Variants in SLC45A1 observed in about 807,000 individuals in gnomAD.
SLC45A1 encodes proton-associated sugar transporter A.
SLC45A1 carries 28 observed loss-of-function variants against 57.6 expected under a neutral mutation model. The ratio of observed to expected loss-of-function variants is 0.49; its 90% confidence interval spans 0.36 to 0.67. The LOEUF (loss-of-function observed/expected upper bound fraction) is 0.67. SLC45A1 is among the 30% of genes least tolerant of loss of function. The pLI, the probability that SLC45A1 is intolerant of heterozygous loss-of-function variation, is 0.00. For missense variants in SLC45A1, 814 were observed against 1,041.5 expected, an observed-to-expected ratio of 0.78 and a Z score of 3.01; for synonymous variants, 459 against 471.5, an observed-to-expected ratio of 0.97 and a Z score of 0.34.
At position 8,330,872 on chromosome 1, in the gene SLC45A1, C is replaced by T. The variant is rs143396132; in HGVS notation, c.1379C>T (p.Pro460Leu). The change falls in exon 5 of 9, where the codon CCG becomes CTG. Residue 460 changes from proline (P) to leucine (L), a missense_variant. Pro to Leu is a moderately conservative substitution (Grantham distance 98). Coordinates refer to ENST00000471889, the MANE Select transcript of SLC45A1 (RefSeq NM_001080397.3). This position sits in a 1 kb window ranked among gnomAD's most constrained non-coding sequence, Gnocchi z 8.4. ...AAGAGACCTCAGACCTTGGCCATCC[C>T]GGACGCAGCCGGAGGAGGGGGTCCC... is the stretch of plus-strand genomic sequence containing the variant. ...ILKRPQTLAI[P>L]DAAGGGGPET... 2.6e-5 allele frequency: 41 copies of T among 1,606,996 alleles called. No individual in the cohort carries two copies. In the South Asian group the frequency reaches 2.6e-4, roughly 10 times the overall value.
Position 8,327,915 on chromosome 1 carries a change from C to T in SLC45A1, c.715+1873C>T, listed in dbSNP as rs1640251533. On this transcript the variant is annotated intron_variant, in intron 4 of 8. Transcript: ENST00000471889. The surrounding 1 kb of genome is among the most constrained non-coding windows in gnomAD (Gnocchi z 4.3). Reference sequence around the variant, plus strand: ...GGCATGTGGTGCGCACCTGTAGTCCCAGCTACTCGGGAGGCTGAGGCAGGA... The same window carrying T: ...GGCATGTGGTGCGCACCTGTAGTCCTAGCTACTCGGGAGGCTGAGGCAGGA... Among the ~76,000 whole-genome samples, 1 of 152,132 alleles carries T rather than the reference C, an allele frequency of 6.6e-6. No individual in the cohort carries two copies. The highest frequency in any genetic ancestry group is 2.1e-4 in the South Asian group (1 of 4,826).
chr1:8,329,561 C>T (rs1419768986), intron 4 of SLC45A1, among the ~76,000 whole-genome samples: 3 of 152,240 alleles, frequency 2.0e-5, no homozygotes, highest in African/African-American at 4.8e-5. Context: ...CCCACAGCAT[C>T]GCTCACAGTT....
Position 8,344,040 on chromosome 1 carries a change from G to A in SLC45A1, c.*27G>A, listed in dbSNP as rs374726148. ...ATCGCGGAGCCTCGACTCCGGACAC[G>A]CGCCTGCACCTGGGGGTCTGGAGCA... On this transcript the variant is annotated 3_prime_UTR_variant, in exon 9 of 9. Transcript: ENST00000471889. The A allele has an allele frequency of 4.9e-4, 775 of 1,582,152 alleles. No homozygotes were observed. Among genetic ancestry groups the A allele is most frequent in the Non-Finnish European group, 6.1e-4 (705 of 1,162,190 alleles).
rs748095650 is a variant in SLC45A1, at chr1:8,330,520, C to T, written c.1027C>T (p.Pro343Ser). The T allele has an allele frequency of 6.2e-7, 1 of 1,613,218 alleles. No homozygotes were observed. The highest frequency in any genetic ancestry group is 1.7e-5 in the Admixed American group (1 of 60,014). Reference protein sequence around the residue: ...NFSSPISPPSPLTPKYGSFIS... With the variant: ...NFSSPISPPSSLTPKYGSFIS... The stretch of plus-strand genomic sequence containing the variant: ...CTCCAGCCCCATCTCGCCGCCCAGC[C>T]CCCTCACGCCCAAGTACGGCAGCTT... Residue 343 changes from proline (P) to serine (S), a missense_variant, in exon 5 of 9, where the codon CCC (proline) becomes TCC (serine). By Grantham distance (74) the Pro-to-Ser change is moderately conservative (BLOSUM62 -1). Coordinates refer to ENST00000471889, the MANE Select transcript of SLC45A1 (RefSeq NM_001080397.3). This position sits in a 1 kb window ranked among gnomAD's most constrained non-coding sequence, Gnocchi z 8.4.
At chr1:8,334,774 AGGGCTACTT>A (rs1030679906) in intron 5 of SLC45A1, among the ~76,000 whole-genome samples, 6 of 152,214 alleles carry the variant, frequency 3.9e-5, no homozygotes, top group Admixed American at 3.9e-4. Flanking sequence ...AAACCCAAGC[AGGGCTACTT>A]GGAATGAAAC....
chr1:8,326,325 A>C lies in SLC45A1; in HGVS notation c.715+283A>C, dbSNP rs1204883054. Among the ~76,000 whole-genome samples, 1 of 152,222 alleles carries C rather than the reference A, an allele frequency of 6.6e-6. No individual in the cohort carries two copies. Among genetic ancestry groups the C allele is most frequent in the East Asian group, 1.9e-4 (1 of 5,206 alleles). On this transcript the variant is annotated intron_variant, in intron 4 of 8. Transcript: ENST00000471889. The surrounding 1 kb of genome is among the most constrained non-coding windows in gnomAD (Gnocchi z 5.5). ...TAGTTATGTTCTGCAGAGTCACCAC[A>C]AACACTGAATTAGCAAACACCGCAT...
At position 8,318,786 on chromosome 1, in the gene SLC45A1, G is replaced by A. The variant is rs1010477675; in HGVS notation, c.-25+600G>A. ...CTTACAGGGAAGCAGAGTCAGGGGC[G>A]GAGGAAAGCCACGTTCAGGCTGCAC... On this transcript the variant is annotated intron_variant, in intron 1 of 8. Coordinates refer to ENST00000471889, the MANE Select transcript of SLC45A1 (RefSeq NM_001080397.3). Among the ~76,000 whole-genome samples the A allele has an allele frequency of 4.6e-5, 7 of 152,328 alleles. No individual in the cohort carries two copies. The East Asian group carries it at 1.4e-3, about 29-fold the overall frequency.
At chr1:8,331,205 G>A (rs72635801) in intron 5 of SLC45A1, among the ~76,000 whole-genome samples, 4,938 of 151,874 alleles carry the variant, frequency 0.033, 116 homozygotes, top group Middle Eastern at 0.061. Flanking sequence ...GCGAAACCCC[G>A]TCTCTACTTT....
intron 8 of SLC45A1, among the ~76,000 whole-genome samples, chr1:8,340,319 T>A (rs1034116753): frequency 8.6e-5 from 13 of 152,010 alleles, no homozygotes; most frequent in Admixed American, 5.9e-4. Context: ...CGCACCACCA[T>A]GCCCAGCTAA....
chr1:8,335,715 A>C lies in SLC45A1; in HGVS notation c.1597+125A>C. On this transcript the variant is annotated intron_variant, in intron 6 of 8. Coordinates refer to ENST00000471889, the MANE Select transcript of SLC45A1 (RefSeq NM_001080397.3). The surrounding 1 kb of genome is among the most constrained non-coding windows in gnomAD (Gnocchi z 4.1). ...TTTCTGAGTTCACCAGCCCCCAACA[A>C]CAGCACCAAGGGCAGGCCTGGGGTG... The C allele has an allele frequency of 3.2e-5, 35 of 1,079,032 alleles. No homozygotes were observed. Among genetic ancestry groups the C allele is most frequent in the African/African-American group, 4.9e-5 (3 of 61,846 alleles). 66.8% of individuals were successfully genotyped at this position (1,079,032 alleles called of 1,614,324 possible).
chr1:8,324,405 TCCCAGGTCACG>T lies in SLC45A1; in HGVS notation c.77_87del (p.Ser26TrpfsTer42). On this transcript the variant is annotated frameshift_variant, in exon 2 of 9. Transcript: ENST00000471889. LOFTEE classifies it high-confidence loss of function. ...CGTGGCCCCACAGGACTTCTGGAGG[TCCCAGGTCACG>T]GGCTACTCGGGGTCCGTGACACGAC... is the stretch of plus-strand genomic sequence containing the variant. 1 of 1,612,174 alleles carries T rather than the reference TCCCAGGTCACG, an allele frequency of 6.2e-7. No individual in the cohort carries two copies. The highest frequency in any genetic ancestry group is 8.5e-7 in the Non-Finnish European group (1 of 1,179,868).
chr1:8,321,649 G>A (rs1640011418), intron 1 of SLC45A1, among the ~76,000 whole-genome samples: 1 of 152,326 alleles, frequency 6.6e-6, no homozygotes, highest in South Asian at 2.1e-4. Flanking sequence ...GGGTAGGTGA[G>A]TGGGTGGATG....
intron 8 of SLC45A1, among the ~76,000 whole-genome samples, chr1:8,340,504 G>A (rs774372812): frequency 6.6e-6 from 1 of 152,122 alleles, no homozygotes; most frequent in Non-Finnish European, 1.5e-5. Context: ...CATGTACTAG[G>A]GGTTCTGATA....
rs765441060 is a variant in SLC45A1 at position 8,335,642 on chromosome 1, C to G, written c.1597+52C>G. 4 of 1,520,108 alleles carry G rather than the reference C, an allele frequency of 2.6e-6. No homozygotes were observed. The East Asian group carries it at 9.5e-5, about 36-fold the overall frequency. 94.2% of individuals were successfully genotyped at this position (1,520,108 alleles called of 1,614,324 possible). A position where few individuals can be genotyped will look rare whatever the true frequency, so the allele number is the denominator to read the frequency against. On this transcript the variant is annotated intron_variant, in intron 6 of 8. Transcript: ENST00000471889. This position sits in a 1 kb window ranked among gnomAD's most constrained non-coding sequence, Gnocchi z 4.1. ...GAGTCCTGGTCCTGCTCAGGGCTCT[C>G]GCCCCACTGGCCTCCCAGGATGCCC...
At chr1:8,338,048 A>G in intron 7 of SLC45A1, 56 bp downstream of exon 7, 2 of 1,531,676 alleles carry the variant, frequency 1.3e-6, no homozygotes, top group Non-Finnish European at 1.8e-6. Flanking sequence ...GGGTCCATGG[A>G]GCATGCGAAA....
At position 8,327,669 on chromosome 1, in the gene SLC45A1, C is replaced by G. The variant is rs1035623213; in HGVS notation, c.715+1627C>G. On this transcript the variant is annotated intron_variant, in intron 4 of 8. Coordinates refer to ENST00000471889, the MANE Select transcript of SLC45A1 (RefSeq NM_001080397.3). This position sits in a 1 kb window ranked among gnomAD's most constrained non-coding sequence, Gnocchi z 4.3. The stretch of plus-strand genomic sequence containing the variant: ...AACATAAGATTAAATAAATAAATAA[C>G]TCTAGCTTGTCTATATAAAATACTT... Among the ~76,000 whole-genome samples, 1 of 152,054 alleles carries G rather than the reference C, an allele frequency of 6.6e-6. No homozygotes were observed. The highest frequency in any genetic ancestry group is 2.4e-5 in the African/African-American group (1 of 41,418).
In SLC45A1 at chr1:8,326,634, AC is replaced by A. The variant is rs1324820370; in HGVS notation, c.715+593del. Among the ~76,000 whole-genome samples, 1 of 152,192 alleles carries A rather than the reference AC, an allele frequency of 6.6e-6. No individual in the cohort carries two copies. Among genetic ancestry groups the A allele is most frequent in the Non-Finnish European group, 1.5e-5 (1 of 68,034 alleles). On this transcript the variant is annotated intron_variant, in intron 4 of 8. Transcript: ENST00000471889. The surrounding 1 kb of genome is among the most constrained non-coding windows in gnomAD (Gnocchi z 5.5). ...GGGCCATTTAAACAGTGAAACACCA[AC>A]AAAAAACACAAAAATGTAAAAAAGG... is the stretch of plus-strand genomic sequence containing the variant.
rs562678824 is a variant in SLC45A1, at chr1:8,324,906, C to T, written c.397+180C>T. On this transcript the variant is annotated intron_variant, in intron 2 of 8. Coordinates refer to ENST00000471889, the MANE Select transcript of SLC45A1 (RefSeq NM_001080397.3). ...ATATCCCAGATTTTAAGTTCCTTAT[C>T]GAAAGCAGACAATAGAACAGGGATT... Among the ~76,000 whole-genome samples the T allele has an allele frequency of 2.3e-4, 35 of 152,238 alleles. No homozygotes were observed. In the Middle Eastern group the frequency reaches 0.031, roughly 133 times the overall value.
chr1:8,334,370 G>A (rs1640535381), intron 5 of SLC45A1, among the ~76,000 whole-genome samples: 1 of 152,194 alleles, frequency 6.6e-6, no homozygotes, highest in Non-Finnish European at 1.5e-5. Flanking sequence ...CCCACCAGGA[G>A]TATCCAGGGC....
Sources: allele counts gnomAD v4.1 joint callset (sites outside exome capture counted in the v4.1 genomes callset), GRCh38; gene constraint gnomAD v4.1.1; non-coding constraint Gnocchi (gnomAD v3.1); transcripts MANE v1.5; gene names NCBI Gene and HGNC (gene_info 2026-07-23, HGNC 2026-07-21).